EXOC4: variants seen among roughly 807,000 people sequenced by gnomAD.
EXOC4 encodes SEC8-like 1.
Under a neutral mutation model 107.2 loss-of-function variants are expected in EXOC4, and 71 were observed. The ratio of observed to expected loss-of-function variants is 0.66; its 90% CI spans 0.55 to 0.81. EXOC4 has a LOEUF of 0.81. EXOC4 is among the 30% of genes least tolerant of loss of function. The pLI is 0.00. For synonymous variants in EXOC4, 456 were observed against 441.2 expected, an observed-to-expected ratio of 1.03 and a Z score of -0.42; for missense variants, 1,108 against 1,189.6, an observed-to-expected ratio of 0.93 and a Z score of 1.01.
rs1270756431 is a variant in EXOC4 at position 133,253,174 on chromosome 7, A to G, written c.73A>G (p.Ile25Val). The G allele has an allele frequency of 2.5e-6, 4 of 1,613,968 alleles. No homozygotes were observed. The African/African-American group carries it at 5.3e-5, about 22-fold the overall frequency. ...SKSKDPSGLL[I>V]SVIRTLSTSD... ...AAGCAAAGACCCCTCGGGGCTGCTC[A>G]TCTCTGTGATCAGGTGAGGGAGGCA... Residue 25 changes from isoleucine (I) to valine (V), a missense_variant, in exon 1 of 18, where the codon ATC (isoleucine) becomes GTC (valine). By Grantham distance (29) the Ile-to-Val change is conservative. Transcript: ENST00000253861.
rs574055017 is a variant in EXOC4, at chr7:133,976,628, A to G, written c.2207-20864A>G. 2.6e-5 allele frequency among the ~76,000 whole-genome samples: 4 copies of G among 152,332 alleles called. No homozygotes were observed. In the East Asian group the frequency reaches 7.7e-4, roughly 29 times the overall value. ...ATGGTTCACAAGAGGGAGAAAAACT[A>G]TCATAGGTGCCCAAGGACTACTGAA... is the stretch of plus-strand genomic sequence containing the variant. On this transcript the variant is annotated intron_variant, in intron 14 of 17. Transcript: ENST00000253861.
the EXOC4 span, among the ~76,000 whole-genome samples, chr7:134,080,518 G>A: frequency 6.6e-6 from 1 of 152,064 alleles, no homozygotes; most frequent in Non-Finnish European, 1.5e-5. Flanking sequence ...ATATCACCCT[G>A]GAAGATGGAT....
intron 10 of EXOC4, among the ~76,000 whole-genome samples, chr7:133,630,472 C>T (rs967411563): frequency 1.3e-5 from 2 of 151,984 alleles, no homozygotes; most frequent in African/African-American, 4.8e-5. Context: ...GAGAAATCTA[C>T]TCTGCACACG....
intron 10 of EXOC4, among the ~76,000 whole-genome samples, chr7:133,779,335 T>G (rs914957533): frequency 6.6e-6 from 1 of 152,188 alleles, no homozygotes; most frequent in African/African-American, 2.4e-5. Context: ...TCAATACTAC[T>G]AACTCTTATT....
chr7:133,909,001 C>A (rs570139966), intron 12 of EXOC4, among the ~76,000 whole-genome samples: 2 of 152,094 alleles, frequency 1.3e-5, no homozygotes, highest in Non-Finnish European at 2.9e-5. Context: ...CCCTAACTCC[C>A]GACAGGCCCC....
chr7:133,265,916 A>G (rs1278260533), intron 1 of EXOC4, among the ~76,000 whole-genome samples: 2 of 152,202 alleles, frequency 1.3e-5, no homozygotes, highest in Non-Finnish European at 2.9e-5. Context: ...GGATTTGCCA[A>G]GAATCTGTGT....
intron 12 of EXOC4, among the ~76,000 whole-genome samples, chr7:133,902,163 G>A (rs553371144): frequency 3.1e-4 from 47 of 152,120 alleles, no homozygotes; most frequent in East Asian, 1.9e-3. Flanking sequence ...TGTAATTTAC[G>A]TTGCTTTTCT....
chr7:133,770,326 ATT>A (rs1369696603), intron 10 of EXOC4, among the ~76,000 whole-genome samples: 30 of 151,918 alleles, frequency 2.0e-4, no homozygotes, highest in African/African-American at 7.2e-4. Flanking sequence ...ACAGTCCTGG[ATT>A]CATACCCAGG....
the EXOC4 span, among the ~76,000 whole-genome samples, chr7:134,081,353 A>G: frequency 2.0e-5 from 3 of 152,048 alleles, no homozygotes; most frequent in Non-Finnish European, 2.9e-5. Context: ...CCGCCTCAAA[A>G]AATTAAATAA....
At position 133,789,398 on chromosome 7, in the gene EXOC4, C is replaced by A. The variant is rs75933989; in HGVS notation, c.1515-27927C>A. Among the ~76,000 whole-genome samples the A allele has an allele frequency of 6.1e-3, 925 of 152,320 alleles. 5 individuals are homozygous for A. Among genetic ancestry groups the A allele is most frequent in the Middle Eastern group, 0.024 (7 of 294 alleles). ...TATGCCACTACTCTCTCTCCTCCCC[C>A]AGGACCAAAGGGCATATATTTTGCT... is the stretch of plus-strand genomic sequence containing the variant. On this transcript the variant is annotated intron_variant, in intron 10 of 17. Coordinates refer to ENST00000253861, the MANE Select transcript of EXOC4 (RefSeq NM_021807.4).
intron 10 of EXOC4, among the ~76,000 whole-genome samples, chr7:133,665,403 G>T (rs1055593378): frequency 6.6e-6 from 1 of 152,110 alleles, no homozygotes; most frequent in Non-Finnish European, 1.5e-5. Context: ...TATTAGACCA[G>T]TTGATTTGTA....
chr7:134,029,922 A>G (rs1341777262), intron 17 of EXOC4, among the ~76,000 whole-genome samples: 7 of 152,182 alleles, frequency 4.6e-5, no homozygotes, highest in East Asian at 3.9e-4. Flanking sequence ...GAGAATAGCC[A>G]TGTACAAGCA....
chr7:133,952,970 C>G (rs1800727306), intron 14 of EXOC4, among the ~76,000 whole-genome samples: 1 of 152,184 alleles, frequency 6.6e-6, no homozygotes, highest in Non-Finnish European at 1.5e-5. Context: ...GGACAAATAT[C>G]TGTTCAAGTC....
At chr7:133,348,816 A>T (rs1795843438) in intron 5 of EXOC4, among the ~76,000 whole-genome samples, 1 of 152,164 alleles carries the variant, frequency 6.6e-6, no homozygotes, top group African/African-American at 2.4e-5. Context: ...AATATAAATG[A>T]CTTTTTTTGA....
chr7:133,845,612 T>C (rs1163323072), intron 11 of EXOC4, among the ~76,000 whole-genome samples: 2 of 152,028 alleles, frequency 1.3e-5, no homozygotes, highest in Admixed American at 1.3e-4. Flanking sequence ...ATGCCTACTC[T>C]CTAGCATGTC....
chr7:133,700,246 C>T (rs776335600), intron 10 of EXOC4, among the ~76,000 whole-genome samples: 1 of 152,100 alleles, frequency 6.6e-6, no homozygotes, highest in African/African-American at 2.4e-5. Context: ...TGATTTAACA[C>T]GCAATATTTT....
chr7:133,730,098 C>G (rs1488987551), intron 10 of EXOC4, among the ~76,000 whole-genome samples: 1 of 149,264 alleles, frequency 6.7e-6, no homozygotes. Context: ...CTTTAATTTC[C>G]TGTTATTCCA....
intron 7 of EXOC4, among the ~76,000 whole-genome samples, chr7:133,424,564 A>G (rs935867199): frequency 8.5e-5 from 13 of 152,188 alleles, no homozygotes; most frequent in African/African-American, 3.1e-4. Flanking sequence ...GAACCCACCA[A>G]TTCCAACACA....
At chr7:133,979,021 T>C (rs1793909087) in intron 14 of EXOC4, among the ~76,000 whole-genome samples, 2 of 152,208 alleles carry the variant, frequency 1.3e-5, no homozygotes, top group Non-Finnish European at 2.9e-5. Context: ...AAGGTGAACG[T>C]ATTTCCAAGA....
Sources: allele counts gnomAD v4.1 joint callset (sites outside exome capture counted in the v4.1 genomes callset), GRCh38; gene constraint gnomAD v4.1.1; transcripts MANE v1.5; gene names NCBI Gene and HGNC (gene_info 2026-07-23, HGNC 2026-07-21).